Variants in ELF2 observed in about 807,000 individuals in gnomAD.
The protein encoded by ELF2 is E74 like ETS transcription factor 2, also known as ETS-related transcription factor Elf-2.
A neutral mutation model predicts 54.8 loss-of-function variants in ELF2; 11 were observed. The observed-to-expected ratio is 0.20, with a 90% confidence interval of 0.13 to 0.33. ELF2 has a LOEUF of 0.33. Among genes scored for constraint, ELF2 ranks in the 10% least tolerant of loss-of-function variants. The pLI, the probability that ELF2 is intolerant of heterozygous loss-of-function variation, is 1.00. For synonymous variants in ELF2, 203 were observed against 245.1 expected (o/e 0.83, Z 1.61); for missense variants, 513 against 703.0 (o/e 0.73, Z 3.06).
intron 7 of ELF2, among the ~76,000 whole-genome samples, 196 bp from the exon 8 acceptor site, chr4:139,062,253 C>T (rs1423889391): frequency 6.6e-6 from 1 of 152,062 alleles, no homozygotes; most frequent in Non-Finnish European, 1.5e-5. Flanking sequence ...TCACTGCAAC[C>T]TCCACCTCCC....
At chr4:139,060,811 ACT>A in intron 8 of ELF2, 137 bp from the exon 9 acceptor site, 1 of 735,118 alleles carries the variant, frequency 1.4e-6, no homozygotes, top group Non-Finnish European at 2.1e-6. Context: ...AAAAAAACAA[ACT>A]CTTACTGCCT....
At chr4:139,087,441 T>C (rs1000789504) in intron 4 of ELF2, among the ~76,000 whole-genome samples, 13 of 152,134 alleles carry the variant, frequency 8.5e-5, no homozygotes, top group Non-Finnish European at 1.5e-4. Flanking sequence ...CTAATGGGTG[T>C]TAGACAAACA....
Position 139,137,793 on chromosome 4 carries a change from T to C in ELF2, c.-92A>G. On this transcript the variant is annotated 5_prime_UTR_variant, in exon 3 of 10. Transcript: ENST00000686138. ...AGTGTTATAGGTTTGCATTATCATGTTTTAAAAGTCAATAGAGATGGAGTG... is the reference window on the plus strand; with the variant it reads ...AGTGTTATAGGTTTGCATTATCATGCTTTAAAAGTCAATAGAGATGGAGTG... 1 of 1,551,840 alleles carries C rather than the reference T, an allele frequency of 6.4e-7. No individual in the cohort carries two copies. The highest frequency in any genetic ancestry group is 8.7e-7 in the Non-Finnish European group (1 of 1,151,258).
rs1225933932 is a variant in ELF2 at position 139,125,290 on chromosome 4, C to G, written c.112G>C (p.Glu38Gln). 16 of 1,613,322 alleles carry G rather than the reference C, an allele frequency of 9.9e-6. No individual in the cohort carries two copies. The highest frequency in any genetic ancestry group is 8.5e-7 in the Non-Finnish European group (1 of 1,179,858). Residue 38 changes from glutamate (E) to glutamine (Q), a missense_variant, in exon 4 of 10, where the codon GAG becomes CAG. By Grantham distance (29) the Glu-to-Gln change is conservative. Coordinates refer to ENST00000686138, the MANE Select transcript of ELF2 (RefSeq NM_001331036.3). ...KVSEYPAVIV[E>Q]PVPSARLEQG... is the part of the protein sequence containing the mutation. ...TCTAATCTGGCACTTGGAACTGGCTCCACAATCACTGCTGGATATTCAGAA... is the reference window on the plus strand; with the variant it reads ...TCTAATCTGGCACTTGGAACTGGCTGCACAATCACTGCTGGATATTCAGAA...
At chr4:139,084,048 A>G (rs1342056863) in intron 4 of ELF2, 1 of 1,602,828 alleles carries the variant, frequency 6.2e-7, no homozygotes, top group Non-Finnish European at 8.5e-7. Context: ...CCCAGCACAG[A>G]CTGCTACAGG....
At chr4:139,106,297 A>G (rs1436776521) in intron 4 of ELF2, among the ~76,000 whole-genome samples, 1 of 152,286 alleles carries the variant, frequency 6.6e-6, no homozygotes, top group East Asian at 1.9e-4. Flanking sequence ...AAAATGTGAC[A>G]TATTTAAACT....
At chr4:139,060,197 A>C in intron 9 of ELF2, 127 bp downstream of exon 9, 1 of 822,262 alleles carries the variant, frequency 1.2e-6, no homozygotes, top group Non-Finnish European at 1.9e-6. Context: ...AACATCAAGC[A>C]CTTTTCAAAG....
intron 1 of ELF2, among the ~76,000 whole-genome samples, chr4:139,166,818 A>G (rs796935506): frequency 2.0e-5 from 3 of 152,332 alleles, no homozygotes; most frequent in African/African-American, 7.2e-5. Context: ...CAGTGAGCCG[A>G]GATGGTGCCA....
chr4:139,128,998 G>A (rs1737225345), intron 3 of ELF2, among the ~76,000 whole-genome samples: 1 of 151,794 alleles, frequency 6.6e-6, no homozygotes, highest in Non-Finnish European at 1.5e-5. Context: ...GAGTGCAATG[G>A]CGCAATCTTG....
intron 7 of ELF2, 119 bp from the exon 8 acceptor site, chr4:139,062,176 T>G (rs1367279697): frequency 1.8e-5 from 15 of 815,826 alleles, no homozygotes; most frequent in Non-Finnish European, 2.6e-5. Flanking sequence ...TGTTTCTACT[T>G]TTTTTTTTTT....
At chr4:139,114,562 CACACACA>C (rs1206016861) in intron 4 of ELF2, among the ~76,000 whole-genome samples, 4 of 10,154 alleles carry the variant, frequency 3.9e-4, no homozygotes, top group African/African-American at 1.1e-3. Flanking sequence ...ACTTCAGTCT[CACACACA>C]CACACACACA....
At chr4:139,059,783 C>T (rs1320238885) in intron 9 of ELF2, among the ~76,000 whole-genome samples, 176 bp from the exon 10 acceptor site, 7 of 152,006 alleles carry the variant, frequency 4.6e-5, no homozygotes, top group Admixed American at 4.6e-4. Context: ...ATTTTAAAAA[C>T]TAAAGCCTAC....
At chr4:139,063,133 C>G (rs930569060) in intron 7 of ELF2, among the ~76,000 whole-genome samples, 1 of 152,058 alleles carries the variant, frequency 6.6e-6, no homozygotes, top group Non-Finnish European at 1.5e-5. Flanking sequence ...TGGCGTGCAC[C>G]TGTAATCCCA....
At chr4:139,114,559 T>TCACACA (rs1410927721) in intron 4 of ELF2, among the ~76,000 whole-genome samples, 4 of 27,566 alleles carry the variant, frequency 1.5e-4, no homozygotes, top group African/African-American at 4.4e-4. Context: ...GAGACTTCAG[T>TCACACA]CTCACACACA....
chr4:139,123,010 C>G (rs1482947103), intron 4 of ELF2, among the ~76,000 whole-genome samples: 1 of 151,694 alleles, frequency 6.6e-6, no homozygotes, highest in African/African-American at 2.4e-5. Context: ...TGGTGAAACC[C>G]TGTCTCTACT....
chr4:139,176,469 C>G (rs945607212), intron 1 of ELF2, among the ~76,000 whole-genome samples: 2 of 151,922 alleles, frequency 1.3e-5, no homozygotes, highest in Admixed American at 1.3e-4. Context: ...GCCGCCCAGC[C>G]CCGGCGCCGG....
intron 1 of ELF2, among the ~76,000 whole-genome samples, chr4:139,172,356 A>C (rs1742393224): frequency 1.3e-5 from 2 of 152,330 alleles, no homozygotes; most frequent in South Asian, 4.1e-4. Flanking sequence ...CTACGTTTTA[A>C]ATTGAGTGCC....
chr4:139,112,207 CTTGT>C (rs999414349), intron 4 of ELF2, among the ~76,000 whole-genome samples: 7 of 152,114 alleles, frequency 4.6e-5, no homozygotes, highest in African/African-American at 1.4e-4. Context: ...CTCAGATAGC[CTTGT>C]TTTTCTTCCT....
intron 1 of ELF2, among the ~76,000 whole-genome samples, chr4:139,147,375 A>G (rs912069936): frequency 5.3e-5 from 8 of 152,230 alleles, no homozygotes; most frequent in Non-Finnish European, 1.2e-4. Flanking sequence ...TTATTAAGAC[A>G]AAAGACAATA....
Sources: allele counts gnomAD v4.1 joint callset (sites outside exome capture counted in the v4.1 genomes callset), GRCh38; gene constraint gnomAD v4.1.1; transcripts MANE v1.5; gene names NCBI Gene and HGNC (gene_info 2026-07-23, HGNC 2026-07-21).